CPS1: variants seen among roughly 807,000 people sequenced by gnomAD.
CPS1 encodes carbamoyl-phosphate synthase [ammonia], mitochondrial.
Under a neutral mutation model 174.6 loss-of-function variants are expected in CPS1, and 109 were observed. The ratio of observed to expected loss-of-function variants is 0.62; its 90% CI spans 0.53 to 0.73. The LOEUF is 0.73. Ranked by LOEUF, CPS1 falls within the 30% of genes least tolerant of loss-of-function variation. The pLI is 0.00. For missense variants in CPS1, 1,689 were observed against 1,821.9 expected (o/e 0.93, Z 1.33); for synonymous variants, 637 against 632.0 (o/e 1.01, Z -0.12).
intron 1 of CPS1, among the ~76,000 whole-genome samples, chr2:210,544,273 A>G (rs148448399): frequency 1.3e-4 from 20 of 152,222 alleles, no homozygotes; most frequent in Admixed American, 1.1e-3. Context: ...TCTGAAATGT[A>G]TTACTATAAA....
chr2:210,636,879 A>G (rs962350426), intron 21 of CPS1, among the ~76,000 whole-genome samples: 1 of 152,214 alleles, frequency 6.6e-6, no homozygotes, highest in African/African-American at 2.4e-5. Context: ...GGAAAGGAGT[A>G]GGGGGAAAAT....
At chr2:210,590,657 A>G in intron 8 of CPS1, 143 bp from the exon 9 acceptor site, 2 of 658,664 alleles carry the variant, frequency 3.0e-6, no homozygotes, top group East Asian at 2.9e-5. Context: ...TTTGTCAATT[A>G]TGTCCTTTTT....
At chr2:210,620,266 A>G (rs1372687616) in intron 21 of CPS1, among the ~76,000 whole-genome samples, 1 of 152,156 alleles carries the variant, frequency 6.6e-6, no homozygotes, top group African/African-American at 2.4e-5. Context: ...TGGGGAAAAC[A>G]AAACAATGAT....
At chr2:210,650,318 T>G in intron 27 of CPS1, 45 bp from the exon 28 acceptor site, 5 of 1,475,012 alleles carry the variant, frequency 3.4e-6, no homozygotes, top group Non-Finnish European at 4.7e-6. Flanking sequence ...TCAAGTCTAG[T>G]ATTAGCATAA....
In CPS1 at chr2:210,678,169, A is replaced by G. The variant is rs1396051360; in HGVS notation, c.*184A>G. The stretch of plus-strand genomic sequence containing the variant: ...GTCAGTCACTTCTTCAAAACCTTAC[A>G]GTCCTTCCTAAGTTACTCTTCATGA... On this transcript the variant is annotated 3_prime_UTR_variant, in exon 38 of 38. Coordinates refer to ENST00000233072, the MANE Select transcript of CPS1 (RefSeq NM_001875.5). The G allele has an allele frequency of 1.5e-6, 1 of 676,504 alleles. No homozygotes were observed. The highest frequency in any genetic ancestry group is 2.7e-6 in the Non-Finnish European group (1 of 365,874). The allele number at this position is 676,504 out of a possible 1,614,324, so 41.9% of individuals were successfully genotyped here. A position where few individuals can be genotyped will look rare whatever the true frequency, so the allele number is the denominator to read the frequency against.
rs746570258 is a variant in CPS1 at position 210,602,267 on chromosome 2, A to C, written c.1773A>C (p.Ala591=). The C allele has an allele frequency of 6.2e-7, 1 of 1,612,470 alleles. No homozygotes were observed. The highest frequency in any genetic ancestry group is 2.2e-5 in the East Asian group (1 of 44,774). Residue 591 remains alanine, a synonymous_variant, in exon 16 of 38, where the codon GCA becomes GCC. Coordinates refer to ENST00000233072, the MANE Select transcript of CPS1 (RefSeq NM_001875.5). ...GYPVMIRSAY[A]LGGLGSGICP... is the part of the protein sequence containing the mutation. ...CAGTGATGATCCGTTCCGCCTATGC[A>C]CTGGGTGGGTTAGGCTCAGGCATCT... is the stretch of plus-strand genomic sequence containing the variant.
Position 210,503,786 on chromosome 2 carries a change from C to T in CPS1, c.3+26020C>T, listed in dbSNP as rs552497361. ...GCAGCTGTGGTAGCACCCGCCAAAT[C>T]CAGGAAGAAAGAATTTTATGCCGTA... On this transcript the variant is annotated intron_variant, in intron 1 of 38. Transcript: ENST00000430249. Among the ~76,000 whole-genome samples the T allele has an allele frequency of 2.0e-5, 3 of 151,954 alleles. No individual in the cohort carries two copies. In the South Asian group the frequency reaches 6.2e-4, roughly 31 times the overall value.
intron 1 of CPS1, among the ~76,000 whole-genome samples, chr2:210,503,787 C>A (rs189434656): frequency 6.6e-6 from 1 of 152,242 alleles, no homozygotes; most frequent in Non-Finnish European, 1.5e-5. Flanking sequence ...CCGCCAAATC[C>A]AGGAAGAAAG....
chr2:210,618,298 AATG>A (rs1384795909), intron 21 of CPS1: 1 of 152,090 alleles, frequency 6.6e-6, no homozygotes, highest in East Asian at 1.9e-4. Flanking sequence ...TATTGTTCAT[AATG>A]ATCTACATTT....
chr2:210,625,993 A>G (rs545047382), intron 21 of CPS1, among the ~76,000 whole-genome samples: 2 of 152,228 alleles, frequency 1.3e-5, no homozygotes, highest in African/African-American at 4.8e-5. Flanking sequence ...GTCTTACTTC[A>G]TTGTTCCGTA....
chr2:210,517,868 C>G (rs532959911), intron 1 of CPS1, among the ~76,000 whole-genome samples: 1 of 152,056 alleles, frequency 6.6e-6, no homozygotes, highest in Admixed American at 6.6e-5. Context: ...AACGGTCATC[C>G]AAAATTAGAG....
intron 1 of CPS1, among the ~76,000 whole-genome samples, chr2:210,485,279 T>G (rs1694685728): frequency 6.6e-6 from 1 of 151,348 alleles, no homozygotes; most frequent in Non-Finnish European, 1.5e-5. Flanking sequence ...TTATGAGACA[T>G]AATGGACATA....
intron 21 of CPS1, among the ~76,000 whole-genome samples, chr2:210,626,752 CACAG>C (rs1278610329): frequency 2.6e-5 from 4 of 152,094 alleles, no homozygotes; most frequent in African/African-American, 9.7e-5. Flanking sequence ...GAGAAATATT[CACAG>C]ACATTTTCAA....
At chr2:210,515,319 A>G (rs1205594283) in intron 1 of CPS1, among the ~76,000 whole-genome samples, 1 of 148,420 alleles carries the variant, frequency 6.7e-6, no homozygotes. Context: ...CTGTGAATCT[A>G]TTTGCTGTAG....
intron 17 of CPS1, 67 bp from the exon 18 acceptor site, chr2:210,606,664 T>G: frequency 1.4e-6 from 2 of 1,409,192 alleles, no homozygotes; most frequent in Non-Finnish European, 2.0e-6. Context: ...TGCAAGTAGA[T>G]GGTTAAGTCG....
At chr2:210,575,901 A>T (rs1697690648) in intron 2 of CPS1, among the ~76,000 whole-genome samples, 1 of 152,026 alleles carries the variant, frequency 6.6e-6, no homozygotes, top group Non-Finnish European at 1.5e-5. Flanking sequence ...TATCAAGAAA[A>T]ACTTTTCAAT....
intron 22 of CPS1, among the ~76,000 whole-genome samples, chr2:210,638,582 C>T (rs1700108499): frequency 6.6e-6 from 1 of 152,172 alleles, no homozygotes; most frequent in Non-Finnish European, 1.5e-5. Context: ...ACCTGCCTTA[C>T]ACCAGCTTGC....
intron 21 of CPS1, among the ~76,000 whole-genome samples, chr2:210,634,485 T>A (rs1436007979): frequency 6.6e-6 from 1 of 152,174 alleles, no homozygotes; most frequent in African/African-American, 2.4e-5. Flanking sequence ...TCTCTCTCTC[T>A]TTTTCTTGAA....
At chr2:210,663,092 T>C in intron 32 of CPS1, 31 bp from the exon 33 acceptor site, 1 of 1,534,114 alleles carries the variant, frequency 6.5e-7, no homozygotes, top group South Asian at 1.1e-5. Context: ...CCTCACATAA[T>C]TTTTCTCCCT....
Sources: allele counts gnomAD v4.1 joint callset (sites outside exome capture counted in the v4.1 genomes callset), GRCh38; gene constraint gnomAD v4.1.1; transcripts MANE v1.5; gene names NCBI Gene and HGNC (gene_info 2026-07-23, HGNC 2026-07-21).